The following PABIR2 variants were observed in gnomAD, a reference collection of about 807,000 sequenced individuals.
PABIR2 encodes the protein family with sequence similarity 122B.
PABIR2 carries 7 observed loss-of-function variants against 22.8 expected under a neutral mutation model. The observed-to-expected ratio is 0.31, with a 90% CI of 0.17 to 0.58. PABIR2 has a LOEUF of 0.58. Among genes scored for constraint, PABIR2 ranks in the 20% least tolerant of loss-of-function variants. The pLI, the probability that PABIR2 is intolerant of heterozygous loss-of-function variation, is 0.89. For synonymous variants in PABIR2, 67 were observed against 73.8 expected (o/e 0.91, Z 0.47); for missense variants, 155 against 205.1 (o/e 0.76, Z 1.49).
chrX:134,780,594 A>C (rs1369319874), intron 9 of PABIR2, among the ~76,000 whole-genome samples: 1 of 112,217 alleles, frequency 8.9e-6, no homozygotes, highest in Non-Finnish European at 1.9e-5. Context: ...CAAAACAAAA[A>C]AAATCCTCAG....
intron 3 of PABIR2, 155 bp from the exon 4 acceptor site, chrX:134,789,421 T>G: frequency 1.2e-6 from 1 of 837,281 alleles, no homozygotes; most frequent in South Asian, 2.2e-5. Context: ...GAGTGGAACA[T>G]TCATGCCGCT....
At chrX:134,778,521 A>AG (rs1325886061) in intron 9 of PABIR2, among the ~76,000 whole-genome samples, 6 of 108,400 alleles carry the variant, frequency 5.5e-5, no homozygotes, top group African/African-American at 1.7e-4. Context: ...AAAAAAAAAA[A>AG]AAATCATATT....
chrX:134,779,172 T>C (rs1343571099), intron 9 of PABIR2, among the ~76,000 whole-genome samples: 2 of 111,315 alleles, frequency 1.8e-5, no homozygotes, highest in Non-Finnish European at 3.8e-5. Flanking sequence ...CTCATGCCTA[T>C]AATCCCAACA....
At chrX:134,776,452 G>C (rs751109469) in intron 9 of PABIR2, among the ~76,000 whole-genome samples, 1 of 110,792 alleles carries the variant, frequency 9.0e-6, no homozygotes, top group Non-Finnish European at 1.9e-5. Context: ...ATGAAGAGCA[G>C]ATTAAGAGCT....
At chrX:134,790,969 C>T (rs1178899728) in intron 2 of PABIR2, among the ~76,000 whole-genome samples, 1 of 111,758 alleles carries the variant, frequency 8.9e-6, no homozygotes, top group Non-Finnish European at 1.9e-5. Context: ...TGGAAGAGAG[C>T]GCAGACGTGT....
At position 134,787,603 on chromosome X, in the gene PABIR2, T is replaced by A; in HGVS notation, c.436-70A>T. 3 of 830,685 alleles carry A rather than the reference T, an allele frequency of 3.6e-6. No homozygotes were observed. In the South Asian group the frequency reaches 8.3e-5, roughly 23 times the overall value. The allele number at this position is 830,685 out of a possible 1,213,427, so 68.5% of individuals were successfully genotyped here. A position where few individuals can be genotyped will look rare whatever the true frequency, so the allele number is the denominator to read the frequency against. On this transcript the variant is annotated intron_variant, in intron 6 of 9. Coordinates refer to ENST00000343004, the MANE Select transcript of PABIR2 (RefSeq NM_001387468.1). ...ATTAAAATAGTTCTAGCACTCCAGT[T>A]TTCTTTCTTTTTTTTTTTTTTTTTT...
At chrX:134,786,449 C>G (rs1355458506) in intron 7 of PABIR2, among the ~76,000 whole-genome samples, 2 of 111,154 alleles carry the variant, frequency 1.8e-5, no homozygotes, top group Non-Finnish European at 3.8e-5. Context: ...ACCCGGGAGG[C>G]AGAGGTTGCA....
At chrX:134,794,980 A>G (rs1297371149) in intron 1 of PABIR2, among the ~76,000 whole-genome samples, 2 of 112,114 alleles carry the variant, frequency 1.8e-5, no homozygotes, top group Non-Finnish European at 3.8e-5. Flanking sequence ...TTTTGCTACA[A>G]TAGTCTAAAT....
chrX:134,779,890 T>C (rs2079112679), intron 9 of PABIR2, among the ~76,000 whole-genome samples: 1 of 112,476 alleles, frequency 8.9e-6, no homozygotes, highest in Non-Finnish European at 1.9e-5. Context: ...TTTCATCCAA[T>C]AGTCCTCTTG....
In PABIR2 at chrX:134,770,469, A is replaced by G. The variant is rs1479908085; in HGVS notation, c.*1670T>C. On this transcript the variant is annotated 3_prime_UTR_variant, in exon 10 of 10. Coordinates refer to ENST00000343004, the MANE Select transcript of PABIR2 (RefSeq NM_001387468.1). ...GCACGCTAAGTGATGCTCTCTTGTAATTGAAAGAGAATGGGTTTCCCTTCA... is the reference window on the plus strand; with the variant it reads ...GCACGCTAAGTGATGCTCTCTTGTAGTTGAAAGAGAATGGGTTTCCCTTCA... The G allele has an allele frequency of 1.8e-5, 2 of 112,911 alleles. No individual in the cohort carries two copies. Among genetic ancestry groups the G allele is most frequent in the Non-Finnish European group, 3.8e-5 (2 of 53,294 alleles). 9.3% of individuals were successfully genotyped at this position (112,911 alleles called of 1,213,427 possible).
At chrX:134,793,097 T>C (rs1318349424) in intron 2 of PABIR2, among the ~76,000 whole-genome samples, 1 of 112,258 alleles carries the variant, frequency 8.9e-6, no homozygotes, top group South Asian at 3.7e-4. Context: ...AAGCTTATTA[T>C]AATTGTGCAT....
At chrX:134,789,320 C>T (rs1011991708) in intron 3 of PABIR2, 54 bp from the exon 4 acceptor site, 7 of 1,171,986 alleles carry the variant, frequency 6.0e-6, no homozygotes, top group East Asian at 5.9e-5. Context: ...AAAATATTAA[C>T]TCTTCCACAC....
rs145712360 is a variant in PABIR2, at chrX:134,793,202, G to A, written c.177+613C>T. 5.9e-3 allele frequency among the ~76,000 whole-genome samples: 661 copies of A among 111,812 alleles called. 4 individuals carry two copies. Among genetic ancestry groups the A allele is most frequent in the African/African-American group, 0.019 (585 of 30,744 alleles). On this transcript the variant is annotated intron_variant, in intron 2 of 9. Transcript: ENST00000343004. ...TGGAAATCTAGTTCTGCCATTTAGG[G>A]ATCTATCTTCTTTCACCTCGGATGT...
intron 3 of PABIR2, 147 bp from the exon 4 acceptor site, chrX:134,789,413 G>C: frequency 1.2e-6 from 1 of 856,074 alleles, no homozygotes; most frequent in Non-Finnish European, 1.7e-6. Flanking sequence ...TCACAGTAGA[G>C]TGGAACATTC....
intron 9 of PABIR2, among the ~76,000 whole-genome samples, chrX:134,776,078 T>C (rs750053354): frequency 7.4e-5 from 8 of 107,813 alleles, no homozygotes; most frequent in Non-Finnish European, 1.3e-4. Flanking sequence ...CACATAAACA[T>C]CTCTAAAGTG....
chrX:134,779,358 G>A (rs2079095198), intron 9 of PABIR2, among the ~76,000 whole-genome samples: 2 of 111,363 alleles, frequency 1.8e-5, no homozygotes, highest in Admixed American at 9.5e-5. Context: ...CCCAGGAGGC[G>A]GAGGTTGCAG....
At chrX:134,793,466 C>T (rs2079609699) in intron 2 of PABIR2, among the ~76,000 whole-genome samples, 1 of 112,713 alleles carries the variant, frequency 8.9e-6, no homozygotes, top group African/African-American at 3.2e-5. Flanking sequence ...GAAACAAACA[C>T]TCTGCTACCT....
chrX:134,780,549 A>C, intron 9 of PABIR2, among the ~76,000 whole-genome samples: 1 of 112,340 alleles, frequency 8.9e-6, no homozygotes, highest in Non-Finnish European at 1.9e-5. Context: ...ACTGCACTCC[A>C]GACTGGGCAA....
rs1400606291 is a variant in PABIR2, at chrX:134,790,281, G to A, written c.178-645C>T. Among the ~76,000 whole-genome samples, 5 of 112,031 alleles carry A rather than the reference G, an allele frequency of 4.5e-5. No homozygotes were observed. In the East Asian group the frequency reaches 1.4e-3, roughly 31 times the overall value. On this transcript the variant is annotated intron_variant, in intron 2 of 9. Coordinates refer to ENST00000343004, the MANE Select transcript of PABIR2 (RefSeq NM_001387468.1). ...TAATAACACAAAGCAGAAATGATTTGGAGGCCAAATTATGTTCCTTCACAA... is the reference window on the plus strand; with the variant it reads ...TAATAACACAAAGCAGAAATGATTTAGAGGCCAAATTATGTTCCTTCACAA...
Sources: gnomAD v4.1 joint callset for allele counts (sites outside exome capture counted in the v4.1 genomes callset) on GRCh38, gnomAD v4.1.1 for gene constraint, MANE v1.5 for transcripts, NCBI Gene and HGNC (gene_info 2026-07-23, HGNC 2026-07-21) for gene names.